The following RTN1 variants were observed in gnomAD, a reference collection of about 807,000 sequenced individuals.
The protein encoded by RTN1 is reticulon 1, also known as reticulon-1.
In RTN1, 25 loss-of-function variants were observed where a neutral mutation model predicts 65.5. That is an observed-to-expected ratio of 0.38 (90% CI 0.28 to 0.53). The LOEUF (loss-of-function observed/expected upper bound fraction) is 0.53. RTN1 is among the 20% of genes least tolerant of loss of function. The pLI is 0.79. For synonymous variants in RTN1, 471 were observed against 447.6 expected (o/e 1.05, Z -0.66); for missense variants, 983 against 1,025.4 (o/e 0.96, Z 0.57).
intron 1 of RTN1, among the ~76,000 whole-genome samples, chr14:59,786,902 T>C (rs1453547802): frequency 6.6e-6 from 1 of 152,100 alleles, no homozygotes; most frequent in Non-Finnish European, 1.5e-5. Context: ...GAATGAGTAA[T>C]ACCAAAAATA....
At chr14:59,659,664 A>T (rs1883201558) in intron 3 of RTN1, among the ~76,000 whole-genome samples, 1 of 152,210 alleles carries the variant, frequency 6.6e-6, no homozygotes, top group Non-Finnish European at 1.5e-5. Flanking sequence ...AAGAAGAAAT[A>T]AAATACTTTA....
At chr14:59,657,849 GTT>G (rs35610360) in intron 3 of RTN1, among the ~76,000 whole-genome samples, 1 of 151,806 alleles carries the variant, frequency 6.6e-6, no homozygotes, top group Non-Finnish European at 1.5e-5. Context: ...AGCTGCAGGA[GTT>G]TTTTTTCATA....
At chr14:59,618,333 C>G (rs1052501586) in intron 3 of RTN1, among the ~76,000 whole-genome samples, 2 of 152,196 alleles carry the variant, frequency 1.3e-5, no homozygotes, top group African/African-American at 2.4e-5. Context: ...GCAGACCCTG[C>G]ACTTGATGGA....
intron 3 of RTN1, among the ~76,000 whole-genome samples, chr14:59,678,686 C>T: frequency 6.6e-6 from 1 of 152,168 alleles, no homozygotes; most frequent in South Asian, 2.1e-4. Context: ...TCACTACTGC[C>T]CCTTCCTCAA....
intron 3 of RTN1, among the ~76,000 whole-genome samples, chr14:59,719,112 T>G (rs985895826): frequency 6.6e-6 from 1 of 152,176 alleles, no homozygotes; most frequent in South Asian, 2.1e-4. Context: ...CATGTCACTT[T>G]CTAGTTTAAA....
At chr14:59,601,099 C>T (rs2140157912) in intron 8 of RTN1, among the ~76,000 whole-genome samples, 1 of 152,316 alleles carries the variant, frequency 6.6e-6, no homozygotes. Flanking sequence ...CAAAACTCCA[C>T]AGAGCATTCA....
chr14:59,701,781 G>C (rs556360029), intron 3 of RTN1, among the ~76,000 whole-genome samples: 170 of 152,290 alleles, frequency 1.1e-3, no homozygotes, highest in African/African-American at 3.9e-3. Context: ...GCACAACTCT[G>C]TGAAGGTACT....
Position 59,766,710 on chromosome 14 carries a change from C to T in RTN1, c.242-20229G>A, listed in dbSNP as rs188896774. ...ATCTTTTCTTCTGGACTAGAAGAAACGGAAGGAAAGAGTGTTGAATACCTG... is the reference window on the plus strand; with the variant it reads ...ATCTTTTCTTCTGGACTAGAAGAAATGGAAGGAAAGAGTGTTGAATACCTG... On this transcript the variant is annotated intron_variant, in intron 1 of 8. Coordinates refer to ENST00000267484, the MANE Select transcript of RTN1 (RefSeq NM_021136.3). The surrounding 1 kb of genome is among the most constrained non-coding windows in gnomAD (Gnocchi z 4.4). 4.6e-5 allele frequency among the ~76,000 whole-genome samples: 7 copies of T among 152,168 alleles called. No individual in the cohort carries two copies. The highest frequency in any genetic ancestry group is 1.3e-4 in the Admixed American group (2 of 15,274).
intron 2 of RTN1, among the ~76,000 whole-genome samples, chr14:59,739,625 T>C (rs1885076441): frequency 6.6e-6 from 1 of 151,370 alleles, no homozygotes; most frequent in Admixed American, 6.6e-5. Context: ...TTATGACAAC[T>C]GGAGGTAGGG....
intron 8 of RTN1, 71 bp downstream of exon 8, chr14:59,602,994 C>T (rs1881627052): frequency 8.4e-7 from 1 of 1,187,754 alleles, no homozygotes; most frequent in Non-Finnish European, 1.2e-6. Context: ...TTCTCATTAC[C>T]CCTATCCTAA....
chr14:59,802,753 C>G (rs1005571794), intron 1 of RTN1, among the ~76,000 whole-genome samples: 2 of 152,192 alleles, frequency 1.3e-5, no homozygotes, highest in African/African-American at 4.8e-5. Context: ...TTCCCGATCT[C>G]TGACTATAAC....
At chr14:59,750,089 AT>A (rs1885419688) in intron 1 of RTN1, among the ~76,000 whole-genome samples, 4 of 57,184 alleles carry the variant, frequency 7.0e-5, no homozygotes, top group Non-Finnish European at 1.1e-4. Flanking sequence ...TTATAGACAT[AT>A]ATATTATATA....
chr14:59,598,845 T>G (rs1881488280), intron 8 of RTN1, among the ~76,000 whole-genome samples: 1 of 152,202 alleles, frequency 6.6e-6, no homozygotes, highest in Admixed American at 6.5e-5. Flanking sequence ...AAGTCATCTA[T>G]TTTCCAGGGT....
At chr14:59,633,512 A>G (rs1882599339) in intron 3 of RTN1, among the ~76,000 whole-genome samples, 2 of 152,256 alleles carry the variant, frequency 1.3e-5, no homozygotes, top group African/African-American at 4.8e-5. Flanking sequence ...CTTTCTTTGC[A>G]CAACTGCTCA....
Position 59,746,726 on chromosome 14 carries a change from T to C in RTN1, c.242-245A>G, listed in dbSNP as rs112470664. On this transcript the variant is annotated intron_variant, in intron 1 of 8. Coordinates refer to ENST00000267484, the MANE Select transcript of RTN1 (RefSeq NM_021136.3). The stretch of plus-strand genomic sequence containing the variant: ...GCTCACATAAACTGCCAGGACCAGA[T>C]AAGTTGGGGACAGATCCTATAAGAC... 1.5e-4 allele frequency among the ~76,000 whole-genome samples: 23 copies of C among 152,276 alleles called. No individual in the cohort carries two copies. In the South Asian group the frequency reaches 3.9e-3, roughly 26 times the overall value.
In RTN1 at chr14:59,631,928, C is replaced by T. The variant is rs536941325; in HGVS notation, c.1766-24436G>A. ...AAGTGGAGCCTTCCCGATTCTTCTA[C>T]AGTTGCCAGAGGTGTTCTTTCCCAG... is the stretch of plus-strand genomic sequence containing the variant. On this transcript the variant is annotated intron_variant, in intron 3 of 8. Coordinates refer to ENST00000267484, the MANE Select transcript of RTN1 (RefSeq NM_021136.3). Among the ~76,000 whole-genome samples, 11 of 152,340 alleles carry T rather than the reference C, an allele frequency of 7.2e-5. 1 individual carries two copies. The South Asian group carries it at 2.3e-3, about 32-fold the overall frequency.
chr14:59,651,199 A>C (rs1883013434), intron 3 of RTN1, among the ~76,000 whole-genome samples: 1 of 152,162 alleles, frequency 6.6e-6, no homozygotes, highest in South Asian at 2.1e-4. Flanking sequence ...CATAGAGCCA[A>C]TGGAACAGAA....
chr14:59,731,320 G>T (rs566683316), intron 2 of RTN1, among the ~76,000 whole-genome samples: 2 of 152,178 alleles, frequency 1.3e-5, no homozygotes, highest in Admixed American at 1.3e-4. Flanking sequence ...AAAGAAAGAA[G>T]AGTAGTAGTT....
At chr14:59,713,464 A>G (rs1884465883) in intron 3 of RTN1, among the ~76,000 whole-genome samples, 1 of 152,250 alleles carries the variant, frequency 6.6e-6, no homozygotes, top group African/African-American at 2.4e-5. Context: ...AGTTCCCCTC[A>G]TACATTTCCA....
Sources: gnomAD v4.1 joint callset for allele counts (sites outside exome capture counted in the v4.1 genomes callset) on GRCh38, gnomAD v4.1.1 for gene constraint, Gnocchi (gnomAD v3.1) non-coding constraint, MANE v1.5 for transcripts, NCBI Gene and HGNC (gene_info 2026-07-23, HGNC 2026-07-21) for gene names.